CHD1L: variants seen among roughly 807,000 people sequenced by gnomAD.
CHD1L encodes chromodomain helicase DNA binding protein 1 like, also known as ATP-dependent chromatin remodeler CHD1L.
A neutral mutation model predicts 115.9 loss-of-function variants in CHD1L; 118 were observed. That is an observed-to-expected ratio of 1.02 (90% CI 0.88 to 1.19). CHD1L has a LOEUF of 1.19. Ranked by LOEUF, CHD1L falls within the 50% of genes most tolerant of loss-of-function variation. The probability of loss-of-function intolerance (pLI) is 0.00; values close to 1 mark genes in which losing one functional copy is unlikely to be tolerated. For missense variants in CHD1L, 1,179 were observed against 1,065.3 expected, an observed-to-expected ratio of 1.11 and a Z score of -1.49; for synonymous variants, 411 against 387.1, an observed-to-expected ratio of 1.06 and a Z score of -0.72.
intron 14 of CHD1L, among the ~76,000 whole-genome samples, chr1:147,278,231 T>TTTG (rs1553959367): frequency 7.3e-6 from 1 of 136,784 alleles, no homozygotes; most frequent in Non-Finnish European, 1.6e-5. Context: ...GGTTTTTTTT[T>TTTG]TTTTTTTTTT....
chr1:147,180,045 G>A, the CHD1L span, among the ~76,000 whole-genome samples: 1 of 151,836 alleles, frequency 6.6e-6, no homozygotes, highest in Non-Finnish European at 1.5e-5. Flanking sequence ...ATAATGTTGT[G>A]TGAAATATTC....
chr1:147,291,606 C>T (rs1685559426), intron 20 of CHD1L, 54 bp downstream of exon 20: 2 of 1,425,988 alleles, frequency 1.4e-6, no homozygotes, highest in African/African-American at 2.8e-5. Flanking sequence ...ATCAACTTCT[C>T]TTGAAGTGTC....
At position 147,284,365 on chromosome 1, in the gene CHD1L, T is replaced by G. The variant is rs782035465; in HGVS notation, c.1720T>G (p.Leu574Val). The G allele has an allele frequency of 6.3e-7, 1 of 1,577,946 alleles. No homozygotes were observed. The highest frequency in any genetic ancestry group is 1.4e-5 in the African/African-American group (1 of 73,076). The change falls in exon 16 of 23, where the codon TTA becomes GTA. Residue 574 changes from leucine (L) to valine (V), a missense_variant. By Grantham distance (32) the Leu-to-Val change is conservative (BLOSUM62 1). Coordinates refer to ENST00000369258, the MANE Select transcript of CHD1L (RefSeq NM_004284.6). ...DQEEGKNHMY[L>V]FEGKDYSKEP... ...TATGTTGTTAGAAAATCATATGTACTTATTTGAAGGTAAAGATTATTCTAA... is the reference window on the plus strand; with the variant it reads ...TATGTTGTTAGAAAATCATATGTACGTATTTGAAGGTAAAGATTATTCTAA...
At chr1:147,282,161 C>T (rs1433114063) in intron 15 of CHD1L, among the ~76,000 whole-genome samples, 2 of 152,158 alleles carry the variant, frequency 1.3e-5, no homozygotes, top group Non-Finnish European at 2.9e-5. Flanking sequence ...CTGGCATGGG[C>T]CCTGGGGACT....
Position 147,295,664 on chromosome 1 carries a change from C to A in CHD1L, c.*155C>A. 1 of 617,804 alleles carries A rather than the reference C, an allele frequency of 1.6e-6. No homozygotes were observed. Among genetic ancestry groups the A allele is most frequent in the South Asian group, 2.2e-5 (1 of 45,140 alleles). 38.3% of individuals were successfully genotyped at this position (617,804 alleles called of 1,614,324 possible). ...GTTTGGTTCTCCTGGATGTTTTGCTCTGTTTTGGTACCTGTAATATAGGGA... is the reference window on the plus strand; with the variant it reads ...GTTTGGTTCTCCTGGATGTTTTGCTATGTTTTGGTACCTGTAATATAGGGA... On this transcript the variant is annotated 3_prime_UTR_variant, in exon 23 of 23. Coordinates refer to ENST00000369258, the MANE Select transcript of CHD1L (RefSeq NM_004284.6).
intron 1 of CHD1L, among the ~76,000 whole-genome samples, chr1:147,244,516 CGT>C (rs1247453201): frequency 6.6e-6 from 1 of 151,638 alleles, no homozygotes; most frequent in Admixed American, 6.6e-5. Flanking sequence ...AGAAGTAGTA[CGT>C]ATTTTCAGTA....
At chr1:147,233,075 C>T in the CHD1L span, among the ~76,000 whole-genome samples, 2 of 151,718 alleles carry the variant, frequency 1.3e-5, no homozygotes, top group East Asian at 3.9e-4. Context: ...CCCGGCCGCC[C>T]ATCGTCTGAG....
chr1:147,187,946 A>C, the CHD1L span, among the ~76,000 whole-genome samples: 1 of 152,214 alleles, frequency 6.6e-6, no homozygotes, highest in Non-Finnish European at 1.5e-5. Flanking sequence ...ACTGTAGGAC[A>C]GAGAGGAAGA....
chr1:147,280,924 A>G (rs1553961537), intron 15 of CHD1L, among the ~76,000 whole-genome samples: 1 of 152,098 alleles, frequency 6.6e-6, no homozygotes, highest in East Asian at 1.9e-4. Flanking sequence ...TTCTTAATTC[A>G]CCAGTACTTT....
chr1:147,179,570 C>G, the CHD1L span: 43 of 1,584,350 alleles, frequency 2.7e-5, no homozygotes. Flanking sequence ...AAGCTACAAA[C>G]CCCCCTGTAA....
chr1:147,174,250 G>A, the CHD1L span, among the ~76,000 whole-genome samples: 1 of 151,802 alleles, frequency 6.6e-6, no homozygotes, highest in Non-Finnish European at 1.5e-5. Context: ...CATGCTTTTT[G>A]GTTATCCCTA....
the CHD1L span, among the ~76,000 whole-genome samples, chr1:147,224,741 A>C: frequency 6.6e-6 from 1 of 152,108 alleles, no homozygotes; most frequent in South Asian, 2.1e-4. Flanking sequence ...CGATCGCCTG[A>C]CCTCGTGATC....
At chr1:147,199,233 A>C in the CHD1L span, among the ~76,000 whole-genome samples, 1 of 144,354 alleles carries the variant, frequency 6.9e-6, no homozygotes, top group African/African-American at 2.4e-5. Context: ...GCAGACATGA[A>C]AAAAATGGGA....
the CHD1L span, chr1:147,174,856 G>A: frequency 6.6e-6 from 1 of 152,150 alleles, no homozygotes; most frequent in African/African-American, 2.4e-5. Context: ...AAAAGTAATG[G>A]GTTGTCCTGA....
At position 147,284,451 on chromosome 1, in the gene CHD1L, T is replaced by C. The variant is rs782230055; in HGVS notation, c.1806T>C (p.Leu602=). 6.8e-5 allele frequency: 110 copies of C among 1,612,186 alleles called. No homozygotes were observed. Among genetic ancestry groups the C allele is most frequent in the Non-Finnish European group, 9.1e-5 (107 of 1,179,368 alleles). The change falls in exon 16 of 23, where the codon CTT becomes CTC. Residue 602 remains leucine (L), a synonymous_variant. Transcript: ENST00000369258. The stretch of plus-strand genomic sequence containing the variant: ...AACTGGTAAACCTTCAGAAAACCCT[T>C]TTGGAGAAAGCTAGTCAAGAGGGCC... ...FEQLVNLQKT[L]LEKASQEGRS...
At chr1:147,285,516 C>G in intron 17 of CHD1L, 29 bp downstream of exon 17, 1 of 1,596,442 alleles carries the variant, frequency 6.3e-7, no homozygotes, top group Non-Finnish European at 8.5e-7. Context: ...AGCTGGCGGC[C>G]ACAGTTGAAG....
intron 1 of CHD1L, among the ~76,000 whole-genome samples, chr1:147,247,497 C>T (rs1181258074): frequency 6.6e-6 from 1 of 152,178 alleles, no homozygotes; most frequent in Non-Finnish European, 1.5e-5. Flanking sequence ...ACATGCCACC[C>T]CCACTTCCCC....
rs782719129 is a variant in CHD1L at position 147,294,393 on chromosome 1, C to T, written c.2507-16C>T. 1.9e-6 allele frequency: 3 copies of T among 1,592,834 alleles called. No individual in the cohort carries two copies. The highest frequency in any genetic ancestry group is 2.6e-6 in the Non-Finnish European group (3 of 1,166,848). On this transcript the variant is annotated splice_polypyrimidine_tract_variant and intron_variant, in intron 21 of 22. Coordinates refer to ENST00000369258, the MANE Select transcript of CHD1L (RefSeq NM_004284.6). Reference sequence around the variant, plus strand: ...TTTTTGATGAGTGAAGACATGTGTTCTTCTCTTCATAATAGCAAGTGTTCA... The same window carrying T: ...TTTTTGATGAGTGAAGACATGTGTTTTTCTCTTCATAATAGCAAGTGTTCA...
the CHD1L span, chr1:147,174,841 A>G: frequency 2.0e-5 from 3 of 152,194 alleles, no homozygotes; most frequent in African/African-American, 7.2e-5. Context: ...GAAGGAGGTA[A>G]TAGGAAAAGT....
Sources: allele counts gnomAD v4.1 joint callset (sites outside exome capture counted in the v4.1 genomes callset), GRCh38; gene constraint gnomAD v4.1.1; transcripts MANE v1.5; gene names NCBI Gene and HGNC (gene_info 2026-07-23, HGNC 2026-07-21).